Variants in COBLL1 observed in about 807,000 individuals in gnomAD.
The protein encoded by COBLL1 is cordon-bleu WH2 repeat protein like 1.
COBLL1 carries 50 observed loss-of-function variants against 94.8 expected under a neutral mutation model. That is an observed-to-expected ratio of 0.53 (90% CI 0.42 to 0.67). The LOEUF (loss-of-function observed/expected upper bound fraction) is 0.67. Among genes scored for constraint, COBLL1 ranks in the 30% least tolerant of loss-of-function variants. COBLL1 has a pLI of 0.00. For synonymous variants in COBLL1, 448 were observed against 473.8 expected, an observed-to-expected ratio of 0.95 and a Z score of 0.71; for missense variants, 1,362 against 1,348.7, an observed-to-expected ratio of 1.01 and a Z score of -0.15.
At chr2:164,726,486 T>C (rs1685729006) in intron 5 of COBLL1, among the ~76,000 whole-genome samples, 1 of 152,138 alleles carries the variant, frequency 6.6e-6, no homozygotes, top group African/African-American at 2.4e-5. Flanking sequence ...GCCCATTATA[T>C]AATTCTGTAT....
intron 9 of COBLL1, among the ~76,000 whole-genome samples, chr2:164,702,571 A>AT (rs1194313259): frequency 6.9e-5 from 10 of 144,272 alleles, no homozygotes; most frequent in Admixed American, 2.7e-4. Flanking sequence ...AAAAAAAAAA[A>AT]AAAAAATAAT....
intron 1 of COBLL1, among the ~76,000 whole-genome samples, chr2:164,667,172 G>A (rs528612773): frequency 4.1e-4 from 62 of 152,080 alleles, no homozygotes; most frequent in Non-Finnish European, 5.6e-4. Context: ...TCAATGAACA[G>A]TAATATTTTG....
chr2:164,741,444 C>T (rs1686590110), intron 3 of COBLL1, among the ~76,000 whole-genome samples: 1 of 151,066 alleles, frequency 6.6e-6, no homozygotes. Context: ...AAGGTAGTAC[C>T]ACAAACAGAG....
intron 2 of COBLL1, among the ~76,000 whole-genome samples, chr2:164,804,187 G>A (rs141111106): frequency 1.3e-5 from 2 of 151,934 alleles, no homozygotes; most frequent in Non-Finnish European, 2.9e-5. Context: ...GCTTTTCTTG[G>A]TGCTAATATG....
intron 2 of COBLL1, among the ~76,000 whole-genome samples, chr2:164,803,944 G>C (rs1379625163): frequency 6.6e-6 from 1 of 151,928 alleles, no homozygotes. Flanking sequence ...CAACATACTC[G>C]AATAATGAGA....
intron 7 of COBLL1, among the ~76,000 whole-genome samples, chr2:164,709,359 A>G (rs1213668777): frequency 6.6e-6 from 1 of 152,198 alleles, no homozygotes; most frequent in Non-Finnish European, 1.5e-5. Context: ...CATGTTGTGC[A>G]TGGGTATCAT....
chr2:164,819,230 C>T lies in COBLL1; in HGVS notation c.41+21926G>A, dbSNP rs192585743. On this transcript the variant is annotated intron_variant, in intron 2 of 13. Transcript: ENST00000652658. ...AAAAATGTTTGCATAAACAAAGCTG[C>T]ATAATAAATGATAAAACTAGCGAAA... is the stretch of plus-strand genomic sequence containing the variant. Among the ~76,000 whole-genome samples, 25 of 152,106 alleles carry T rather than the reference C, an allele frequency of 1.6e-4. 1 individual carries two copies. Among genetic ancestry groups the T allele is most frequent in the Admixed American group, 1.6e-3 (25 of 15,278 alleles).
intron 7 of COBLL1, among the ~76,000 whole-genome samples, chr2:164,720,565 C>T (rs577446964): frequency 1.3e-5 from 2 of 152,190 alleles, no homozygotes; most frequent in South Asian, 4.2e-4. Context: ...GTATAATTTA[C>T]ACTCTTCTAT....
At chr2:164,768,554 T>C (rs1354885007) in intron 2 of COBLL1, among the ~76,000 whole-genome samples, 1 of 152,162 alleles carries the variant, frequency 6.6e-6, no homozygotes, top group African/African-American at 2.4e-5. Context: ...GAAGCATAGC[T>C]TTCCAGAAAC....
intron 3 of COBLL1, among the ~76,000 whole-genome samples, chr2:164,731,436 T>C (rs549384351): frequency 9.8e-5 from 15 of 152,340 alleles, no homozygotes; most frequent in Non-Finnish European, 1.8e-4. Flanking sequence ...CACAGACTTA[T>C]ATTTTCATTC....
At chr2:164,812,076 A>G (rs1371124734) in intron 2 of COBLL1, among the ~76,000 whole-genome samples, 1 of 151,910 alleles carries the variant, frequency 6.6e-6, no homozygotes, top group Non-Finnish European at 1.5e-5. Context: ...AAAAAAAAAT[A>G]CTTTTTTTCT....
At chr2:164,699,769 T>C (rs536990020) in intron 10 of COBLL1, among the ~76,000 whole-genome samples, 48 of 152,174 alleles carry the variant, frequency 3.2e-4, no homozygotes, top group African/African-American at 1.0e-3. Context: ...TTTTCCAAAA[T>C]AGTGGCTTTA....
chr2:164,832,740 T>C (rs1402834098), intron 2 of COBLL1, among the ~76,000 whole-genome samples: 1 of 152,156 alleles, frequency 6.6e-6, no homozygotes, highest in Non-Finnish European at 1.5e-5. Context: ...CTGATTTCAA[T>C]TGAGGAATTA....
intron 7 of COBLL1, 177 bp downstream of exon 7, chr2:164,721,898 T>G (rs895036393): frequency 2.2e-6 from 1 of 460,798 alleles, no homozygotes; most frequent in Admixed American, 3.7e-5. Context: ...GATCTATTCC[T>G]AGTACCAATC....
chr2:164,816,483 G>A lies in COBLL1; in HGVS notation c.41+24673C>T, dbSNP rs991564496. On this transcript the variant is annotated intron_variant, in intron 2 of 13. Coordinates refer to ENST00000652658, the MANE Select transcript of COBLL1 (RefSeq NM_001365672.2). The stretch of plus-strand genomic sequence containing the variant: ...AAGGAAAGCTTGATAGGAATTGACC[G>A]GTAGTTTGGAAATAACCCTGCAGTG... 5.9e-5 allele frequency among the ~76,000 whole-genome samples: 9 copies of A among 152,220 alleles called. No homozygotes were observed. In the South Asian group the frequency reaches 6.2e-4, roughly 11 times the overall value.
chr2:164,841,928 G>T (rs1263246211), upstream of COBLL1: 27 of 1,504,318 alleles, frequency 1.8e-5, no homozygotes, highest in Non-Finnish European at 2.2e-5. The surrounding 1 kb of genome is among the most constrained non-coding windows in gnomAD (Gnocchi z 5.5). Context: ...GGCGCTGGGG[G>T]CCTCGCTGGA....
At chr2:164,776,255 G>A (rs1197948452) in intron 2 of COBLL1, among the ~76,000 whole-genome samples, 1 of 151,978 alleles carries the variant, frequency 6.6e-6, no homozygotes, top group Non-Finnish European at 1.5e-5. Context: ...GCTTCCCATG[G>A]CCCTTAGAAT....
intron 3 of COBLL1, among the ~76,000 whole-genome samples, chr2:164,739,373 G>C (rs1221817436): frequency 6.6e-6 from 1 of 152,114 alleles, no homozygotes. Context: ...CCCCAAAATA[G>C]AACATCCTGA....
At chr2:164,796,725 A>AAC (rs756287598) in intron 2 of COBLL1, among the ~76,000 whole-genome samples, 16,794 of 143,324 alleles carry the variant, frequency 0.12, 1,182 homozygotes, top group East Asian at 0.28. Context: ...AAAAAAAAAA[A>AAC]AGGAGAGGGA....
Sources: gnomAD v4.1 joint callset for allele counts (sites outside exome capture counted in the v4.1 genomes callset) on GRCh38, gnomAD v4.1.1 for gene constraint, Gnocchi (gnomAD v3.1) non-coding constraint, MANE v1.5 for transcripts, NCBI Gene and HGNC (gene_info 2026-07-23, HGNC 2026-07-21) for gene names.